Variants in SIK3 observed in about 807,000 individuals in gnomAD.
The protein encoded by SIK3 is SIK family kinase 3.
SIK3 carries 28 observed loss-of-function variants against 144.2 expected under a neutral mutation model. The ratio of observed to expected loss-of-function variants is 0.19; its 90% CI spans 0.14 to 0.27. SIK3 has a LOEUF of 0.27. Ranked by LOEUF, SIK3 falls within the 10% of genes least tolerant of loss-of-function variation. The pLI, the probability that SIK3 is intolerant of heterozygous loss-of-function variation, is 1.00. For missense variants in SIK3, 1,319 were observed against 1,776.0 expected (o/e 0.74, Z 4.62); for synonymous variants, 686 against 676.3 (o/e 1.01, Z -0.22).
intron 1 of SIK3, among the ~76,000 whole-genome samples, chr11:117,062,459 T>C (rs185470084): frequency 6.6e-6 from 1 of 152,258 alleles, no homozygotes; most frequent in Admixed American, 6.5e-5. Flanking sequence ...GTTTCAACAA[T>C]GAACCATCTA....
chr11:117,007,464 T>C (rs1009741687), intron 1 of SIK3, among the ~76,000 whole-genome samples: 5 of 152,194 alleles, frequency 3.3e-5, no homozygotes, highest in Non-Finnish European at 7.3e-5. Flanking sequence ...CCAAAAGGAC[T>C]CTCTTTCCCA....
intron 4 of SIK3, among the ~76,000 whole-genome samples, chr11:116,913,290 C>T (rs1189444276): frequency 6.7e-6 from 1 of 149,688 alleles, no homozygotes; most frequent in Admixed American, 6.6e-5. Flanking sequence ...AAAATTCCTT[C>T]AAGGAAAAAA....
intron 20 of SIK3, 106 bp downstream of exon 20, chr11:116,859,159 C>T (rs951798444): frequency 1.9e-6 from 2 of 1,031,240 alleles, no homozygotes; most frequent in African/African-American, 3.2e-5. Flanking sequence ...AGAGCACAGC[C>T]TAGTCAGACC....
chr11:116,902,461 T>C (rs1343636432), intron 4 of SIK3, among the ~76,000 whole-genome samples: 1 of 152,196 alleles, frequency 6.6e-6, no homozygotes, highest in Admixed American at 6.5e-5. Context: ...CTGCTAATAG[T>C]TATAAGGATT....
Position 116,947,166 on chromosome 11 carries a change from A to G in SIK3, c.454+6878T>C, listed in dbSNP as rs191115081. Among the ~76,000 whole-genome samples the G allele has an allele frequency of 2.3e-3, 301 of 132,932 alleles. 1 individual carries two copies. Among genetic ancestry groups the G allele is most frequent in the Non-Finnish European group, 3.7e-3 (230 of 62,436 alleles). 87.2% of individuals were successfully genotyped at this position (132,932 alleles called of 152,430 possible). ...TATTTATATATAATATATTATATAT[A>G]AATTATTATTTATATATAATATATT... On this transcript the variant is annotated intron_variant, in intron 3 of 24. Coordinates refer to ENST00000445177, the MANE Select transcript of SIK3 (RefSeq NM_001366686.3).
intron 5 of SIK3, 141 bp from the exon 6 acceptor site, chr11:116,896,517 C>T (rs1447522385): frequency 1.1e-6 from 1 of 871,718 alleles, no homozygotes; most frequent in Admixed American, 3.2e-5. Context: ...GAACAGTTAA[C>T]AATCTTCTTT....
chr11:117,003,419 G>A (rs1397689844), intron 1 of SIK3, among the ~76,000 whole-genome samples: 3 of 152,046 alleles, frequency 2.0e-5, no homozygotes, highest in African/African-American at 7.2e-5. Context: ...AATTTTTCTA[G>A]TATAAAATGA....
intron 1 of SIK3, among the ~76,000 whole-genome samples, chr11:116,988,848 A>T (rs1950408445): frequency 6.6e-6 from 1 of 151,100 alleles, no homozygotes; most frequent in Non-Finnish European, 1.5e-5. Flanking sequence ...AATGTGTGAG[A>T]GTTTTATGGA....
At chr11:117,077,115 C>A (rs1160863742) in intron 1 of SIK3, among the ~76,000 whole-genome samples, 1 of 152,160 alleles carries the variant, frequency 6.6e-6, no homozygotes, top group African/African-American at 2.4e-5. Context: ...ACAATCACAC[C>A]ACACTGCACT....
chr11:116,887,013 AG>A (rs1944855775), intron 6 of SIK3, among the ~76,000 whole-genome samples: 1 of 152,244 alleles, frequency 6.6e-6, no homozygotes, highest in South Asian at 2.1e-4. Flanking sequence ...ATTTTACTTA[AG>A]GAATAGGAAG....
In SIK3 at chr11:117,023,614, A is replaced by AAC. The variant is rs1565567947; in HGVS notation, c.274-66551_274-66550insGT. The stretch of plus-strand genomic sequence containing the variant: ...CAAACAAACAAACAAACAAACAAAA[A>AAC]AAAAAAAATATATATATATATATAT... On this transcript the variant is annotated intron_variant, in intron 1 of 24. Transcript: ENST00000445177. 5.3e-4 allele frequency among the ~76,000 whole-genome samples: 57 copies of AAC among 106,806 alleles called. 2 individuals are homozygous for AAC. Among genetic ancestry groups the AAC allele is most frequent in the African/African-American group, 2.5e-3 (51 of 20,310 alleles). The allele number at this position is 106,806 out of a possible 152,430, so 70.1% of individuals were successfully genotyped here.
intron 3 of SIK3, chr11:116,950,098 C>A (rs61907606): frequency 4.5e-5 from 21 of 470,634 alleles, no homozygotes; most frequent in Non-Finnish European, 5.3e-5. Context: ...ATACCCAAGG[C>A]AAGAGTGATC....
intron 1 of SIK3, among the ~76,000 whole-genome samples, chr11:117,055,584 A>T (rs1361875345): frequency 1.3e-5 from 2 of 152,236 alleles, no homozygotes; most frequent in Non-Finnish European, 2.9e-5. Context: ...CAAAATCCAG[A>T]AGAATATAAT....
intron 1 of SIK3, among the ~76,000 whole-genome samples, chr11:117,059,131 G>A (rs1953686052): frequency 1.3e-5 from 2 of 152,326 alleles, no homozygotes; most frequent in Non-Finnish European, 2.9e-5. Flanking sequence ...TTACAGATTT[G>A]TAATTCCAGA....
chr11:117,078,051 A>T (rs1253165893), intron 1 of SIK3, among the ~76,000 whole-genome samples: 3 of 152,244 alleles, frequency 2.0e-5, no homozygotes, highest in Non-Finnish European at 2.9e-5. Flanking sequence ...TTTAGAATAA[A>T]CAATTTCAAT....
At chr11:117,036,697 T>C (rs1231237080) in intron 1 of SIK3, among the ~76,000 whole-genome samples, 1 of 152,150 alleles carries the variant, frequency 6.6e-6, no homozygotes, top group Admixed American at 6.6e-5. Context: ...TGTCACCAAA[T>C]CAAAGCCAGT....
chr11:117,086,180 G>A lies in SIK3; in HGVS notation c.273+11963C>T, dbSNP rs373210385. On this transcript the variant is annotated intron_variant, in intron 1 of 24. Coordinates refer to ENST00000445177, the MANE Select transcript of SIK3 (RefSeq NM_001366686.3). ...CATACTAAGCACAATATCCTATATG[G>A]CCCAATTACCCTTGAAAATCTCTTA... Among the ~76,000 whole-genome samples the A allele has an allele frequency of 3.3e-5, 5 of 152,066 alleles. 1 individual carries two copies. The highest frequency in any genetic ancestry group is 1.2e-4 in the African/African-American group (5 of 41,392).
At chr11:116,937,254 A>G (rs473172) in intron 3 of SIK3, among the ~76,000 whole-genome samples, 124,035 of 152,170 alleles carry the variant, frequency 0.82, 51,116 homozygotes, top group Non-Finnish European at 0.86. Flanking sequence ...ATGTATATGC[A>G]TATATTTATT....
At chr11:116,971,358 C>G (rs541223989) in intron 1 of SIK3, among the ~76,000 whole-genome samples, 90 of 152,238 alleles carry the variant, frequency 5.9e-4, no homozygotes, top group African/African-American at 2.1e-3. Context: ...TTGCATAATC[C>G]AATGTCAGCC....
Sources: allele counts gnomAD v4.1 joint callset (sites outside exome capture counted in the v4.1 genomes callset), GRCh38; gene constraint gnomAD v4.1.1; transcripts MANE v1.5; gene names NCBI Gene and HGNC (gene_info 2026-07-23, HGNC 2026-07-21).